The following ATP5MJ variants were observed in gnomAD, a reference collection of about 807,000 sequenced individuals.
The protein encoded by ATP5MJ is ATP synthase F(0) complex subunit j, mitochondrial.
In ATP5MJ, 4 loss-of-function variants were observed where a neutral mutation model predicts 8.3. The observed-to-expected ratio is 0.48, with a 90% CI of 0.24 to 1.11. The LOEUF (loss-of-function observed/expected upper bound fraction) is 1.11, where lower values mean the gene tolerates loss of function less well. ATP5MJ is among the 50% of genes least tolerant of loss of function. The pLI, the probability that ATP5MJ is intolerant of heterozygous loss-of-function variation, is 0.18. For missense variants in ATP5MJ, 66 were observed against 71.8 expected, an observed-to-expected ratio of 0.92 and a Z score of 0.29; for synonymous variants, 23 against 21.3, an observed-to-expected ratio of 1.08 and a Z score of -0.23.
intron 3 of ATP5MJ, chr14:103,913,319 C>CAAA (rs201166675): frequency 1.6e-5 from 2 of 127,020 alleles, no homozygotes; most frequent in Admixed American, 8.2e-5. Context: ...GACTCTGTCT[C>CAAA]AAAAAAAAAA....
Position 103,913,949 on chromosome 14 carries a change from C to CA in ATP5MJ, c.148+11dup. ...TTCCATTCCCAACCATTTTCAGAAGCAAAAATCTTACCTTTCAAAGCCTTA... is the reference window on the plus strand; with the variant it reads ...TTCCATTCCCAACCATTTTCAGAAGCAAAAAATCTTACCTTTCAAAGCCTTA... On this transcript the variant is annotated intron_variant, in intron 3 of 3. Coordinates refer to ENST00000286953, the MANE Select transcript of ATP5MJ (RefSeq NM_004894.3). 6.2e-7 allele frequency: 1 copy of CA among 1,611,678 alleles called. No individual in the cohort carries two copies. Among genetic ancestry groups the CA allele is most frequent in the Middle Eastern group, 1.7e-4 (1 of 6,058 alleles).
chr14:103,917,683 T>C (rs944531609), intron 1 of ATP5MJ, among the ~76,000 whole-genome samples: 1 of 152,096 alleles, frequency 6.6e-6, no homozygotes, highest in Non-Finnish European at 1.5e-5. Flanking sequence ...CAGGCAAGAA[T>C]GGGGAGGCCA....
chr14:103,917,330 T>C (rs1420228846), intron 1 of ATP5MJ, among the ~76,000 whole-genome samples: 1 of 152,200 alleles, frequency 6.6e-6, no homozygotes, highest in Non-Finnish European at 1.5e-5. Flanking sequence ...GTACTGTATA[T>C]TAAATGCTTG....
In ATP5MJ at chr14:103,921,308, C is replaced by G. The variant is rs78104841; in HGVS notation, c.-1+162G>C. 1.2e-5 allele frequency: 4 copies of G among 339,328 alleles called. No individual in the cohort carries two copies. In the East Asian group the frequency reaches 2.2e-4, roughly 18 times the overall value. 21.0% of individuals were successfully genotyped at this position (339,328 alleles called of 1,614,324 possible). A position where few individuals can be genotyped will look rare whatever the true frequency, so the allele number is the denominator to read the frequency against. ...GCGATGCTTCCCTCTGGCAACCGACCCTGGCCTACCTCCCTTCAGAGAAGG... is the reference window on the plus strand; with the variant it reads ...GCGATGCTTCCCTCTGGCAACCGACGCTGGCCTACCTCCCTTCAGAGAAGG... On this transcript the variant is annotated intron_variant, in intron 1 of 3. Transcript: ENST00000286953.
intron 2 of ATP5MJ, chr14:103,914,409 T>C: frequency 8.8e-6 from 5 of 570,444 alleles, no homozygotes; most frequent in Non-Finnish European, 1.3e-5. Flanking sequence ...CATGAACCCA[T>C]ACCTTAAATA....
intron 3 of ATP5MJ, chr14:103,913,742 T>G (rs896826993): frequency 1.7e-6 from 1 of 602,456 alleles, no homozygotes. Context: ...CTATTACTCC[T>G]GGAAGTTTTA....
At chr14:103,913,675 C>G in intron 3 of ATP5MJ, 1 of 540,440 alleles carries the variant, frequency 1.9e-6, no homozygotes, top group Non-Finnish European at 3.2e-6. Flanking sequence ...GCTTGCACAG[C>G]TCACTTGTGC....
intron 1 of ATP5MJ, among the ~76,000 whole-genome samples, chr14:103,917,050 G>A (rs2087631415): frequency 6.6e-6 from 1 of 152,148 alleles, no homozygotes; most frequent in Non-Finnish European, 1.5e-5. Flanking sequence ...GCCAGACATT[G>A]TTTTAGGAGC....
At chr14:103,919,092 C>G (rs1184181638) in intron 1 of ATP5MJ, among the ~76,000 whole-genome samples, 1 of 151,948 alleles carries the variant, frequency 6.6e-6, no homozygotes, top group African/African-American at 2.4e-5. Context: ...AATAAAAATC[C>G]AGAGAATGGA....
intron 3 of ATP5MJ, 114 bp from the exon 4 acceptor site, chr14:103,912,808 C>T (rs766782094): frequency 9.7e-7 from 1 of 1,028,166 alleles, no homozygotes; most frequent in East Asian, 2.4e-5. Context: ...AGATAAATGA[C>T]ACCTTTCAAT....
In ATP5MJ at chr14:103,920,471, T is replaced by TTC. The variant is rs2087667748; in HGVS notation, c.-1+998_-1+999insGA. 4.5e-5 allele frequency among the ~76,000 whole-genome samples: 6 copies of TTC among 134,230 alleles called. No individual in the cohort carries two copies. In the South Asian group the frequency reaches 1.2e-3, roughly 26 times the overall value. 88.1% of individuals were successfully genotyped at this position (134,230 alleles called of 152,430 possible). On this transcript the variant is annotated intron_variant, in intron 1 of 3. Transcript: ENST00000286953. ...CATAATAAAACGACAGCCCCTACTTTTTTTTTTTTTTTTTTTTTTAAGACG... is the reference window on the plus strand; with the variant it reads ...CATAATAAAACGACAGCCCCTACTTTTCTTTTTTTTTTTTTTTTTTTAAGACG...
chr14:103,913,610 C>CA (rs1168732830), intron 3 of ATP5MJ: 2 of 398,414 alleles, frequency 5.0e-6, no homozygotes, highest in African/African-American at 2.1e-5. Flanking sequence ...GGCTCCGTCT[C>CA]AAAAAACAAT....
intron 2 of ATP5MJ, chr14:103,914,629 C>T (rs1261828830): frequency 1.2e-5 from 7 of 588,288 alleles, no homozygotes; most frequent in South Asian, 6.5e-5. Context: ...GGCAAAACCC[C>T]ATCTCTACAA....
In ATP5MJ at chr14:103,915,051, C is replaced by T. The variant is rs758824252; in HGVS notation, c.124+15G>A. 3 of 1,613,298 alleles carry T rather than the reference C, an allele frequency of 1.9e-6. No homozygotes were observed. The highest frequency in any genetic ancestry group is 2.5e-6 in the Non-Finnish European group (3 of 1,179,878). ...TCTTCCTGACCTCAGAAAAATCAAA[C>T]ATAAGGAAACGTACCAGCAGCCCGG... On this transcript the variant is annotated intron_variant, in intron 2 of 3. Transcript: ENST00000286953.
In ATP5MJ at chr14:103,921,280, T is replaced by C; in HGVS notation, c.-1+190A>G. 7.0e-6 allele frequency: 3 copies of C among 426,250 alleles called. No individual in the cohort carries two copies. The South Asian group carries it at 9.2e-5, about 13-fold the overall frequency. 26.4% of individuals were successfully genotyped at this position (426,250 alleles called of 1,614,324 possible). A position where few individuals can be genotyped will look rare whatever the true frequency, so the allele number is the denominator to read the frequency against. ...CAAGGAGGGAAACGCGGCGCAGGCC[T>C]AGGCGATGCTTCCCTCTGGCAACCG... is the stretch of plus-strand genomic sequence containing the variant. On this transcript the variant is annotated intron_variant, in intron 1 of 3. Coordinates refer to ENST00000286953, the MANE Select transcript of ATP5MJ (RefSeq NM_004894.3).
chr14:103,918,432 C>T (rs1001794070), intron 1 of ATP5MJ, among the ~76,000 whole-genome samples: 5 of 151,892 alleles, frequency 3.3e-5, no homozygotes, highest in South Asian at 2.1e-4. Flanking sequence ...CGGATCTCGG[C>T]TCATTGCAAG....
intron 2 of ATP5MJ, chr14:103,914,609 T>C (rs2087607996): frequency 3.2e-6 from 2 of 621,898 alleles, no homozygotes; most frequent in Non-Finnish European, 5.8e-6. Context: ...AAGACCAGCC[T>C]GGGTAACATG....
chr14:103,917,234 A>G (rs2152107770), intron 1 of ATP5MJ, among the ~76,000 whole-genome samples: 1 of 152,300 alleles, frequency 6.6e-6, no homozygotes, highest in East Asian at 1.9e-4. Context: ...TCTCATCTGT[A>G]AAACAGGGAT....
chr14:103,912,734 GA>G, intron 3 of ATP5MJ, 40 bp from the exon 4 acceptor site: 1 of 1,596,168 alleles, frequency 6.3e-7, no homozygotes, highest in Non-Finnish European at 8.6e-7. Context: ...ATTTAAGAAG[GA>G]AGGAACAAGT....
Sources: allele counts gnomAD v4.1 joint callset (sites outside exome capture counted in the v4.1 genomes callset), GRCh38; gene constraint gnomAD v4.1.1; transcripts MANE v1.5; gene names NCBI Gene and HGNC (gene_info 2026-07-23, HGNC 2026-07-21).